RNGTT: variants seen among roughly 807,000 people sequenced by gnomAD.
The protein encoded by RNGTT is mRNA-capping enzyme.
Under a neutral mutation model 79.3 loss-of-function variants are expected in RNGTT, and 33 were observed. That is an observed-to-expected ratio of 0.42 (90% CI 0.32 to 0.56). RNGTT has a LOEUF of 0.56. RNGTT is among the 20% of genes least tolerant of loss of function. The pLI is 0.17. For synonymous variants in RNGTT, 222 were observed against 235.9 expected (o/e 0.94, Z 0.54); for missense variants, 497 against 739.1 (o/e 0.67, Z 3.80).
intron 11 of RNGTT, among the ~76,000 whole-genome samples, chr6:88,832,726 T>C (rs1228048497): frequency 6.6e-6 from 1 of 151,300 alleles, no homozygotes; most frequent in African/African-American, 2.4e-5. Context: ...GTAACTTAAA[T>C]TTACAAGAAA....
At chr6:88,733,162 ATCAGCC>A (rs1414801476) in intron 13 of RNGTT, among the ~76,000 whole-genome samples, 2 of 152,086 alleles carry the variant, frequency 1.3e-5, no homozygotes, top group Non-Finnish European at 2.9e-5. Context: ...GGAGTTTGAG[ATCAGCC>A]TGGGCAACAT....
intron 13 of RNGTT, among the ~76,000 whole-genome samples, chr6:88,699,079 C>G (rs921852673): frequency 6.6e-6 from 1 of 152,056 alleles, no homozygotes; most frequent in Non-Finnish European, 1.5e-5. Flanking sequence ...AGATTATTCC[C>G]AAAAAGTGAG....
chr6:88,619,850 A>C (rs1350471220), intron 14 of RNGTT, among the ~76,000 whole-genome samples: 1 of 152,234 alleles, frequency 6.6e-6, no homozygotes, highest in Non-Finnish European at 1.5e-5. Flanking sequence ...GAGAAAATAA[A>C]ACATATACAT....
chr6:88,920,826 C>T (rs923068422), intron 4 of RNGTT, among the ~76,000 whole-genome samples: 2 of 152,118 alleles, frequency 1.3e-5, no homozygotes, highest in African/African-American at 4.8e-5. Flanking sequence ...ATAAGAAAAA[C>T]TTCTAATTGT....
rs976201727 is a variant in RNGTT, at chr6:88,657,588, G to C, written c.1506+20765C>G. Among the ~76,000 whole-genome samples the C allele has an allele frequency of 4.6e-5, 7 of 152,348 alleles. No homozygotes were observed. In the East Asian group the frequency reaches 1.4e-3, roughly 29 times the overall value. On this transcript the variant is annotated intron_variant, in intron 14 of 15. Transcript: ENST00000369485. ...AGATATGAGCACAGAAACTGCAGCT[G>C]ATGGTGCAGGCAGGTGGGAAGGGGT...
intron 12 of RNGTT, among the ~76,000 whole-genome samples, chr6:88,793,082 C>T (rs952107740): frequency 5.9e-5 from 9 of 151,984 alleles, no homozygotes; most frequent in African/African-American, 2.2e-4. Flanking sequence ...AGAAATTAAC[C>T]ATCCAATTAA....
At chr6:88,938,251 T>C (rs761525623) in intron 2 of RNGTT, among the ~76,000 whole-genome samples, 2 of 152,216 alleles carry the variant, frequency 1.3e-5, no homozygotes, top group African/African-American at 2.4e-5. Flanking sequence ...TTATATCCTC[T>C]TGCCAAACTG....
chr6:88,949,678 C>T (rs1785178609), intron 1 of RNGTT, among the ~76,000 whole-genome samples: 1 of 152,148 alleles, frequency 6.6e-6, no homozygotes, highest in African/African-American at 2.4e-5. Context: ...GCAGCAACTC[C>T]CTTCAATTCT....
intron 14 of RNGTT, among the ~76,000 whole-genome samples, chr6:88,673,662 T>C (rs555172628): frequency 6.6e-6 from 1 of 152,228 alleles, no homozygotes. Context: ...GCATAAAGGA[T>C]TGACAAAAGA....
At chr6:88,633,409 C>T (rs1772980040) in intron 14 of RNGTT, among the ~76,000 whole-genome samples, 1 of 152,136 alleles carries the variant, frequency 6.6e-6, no homozygotes, top group African/African-American at 2.4e-5. Context: ...GGCATTGCAT[C>T]CTCCCCTCTG....
intron 14 of RNGTT, 189 bp downstream of exon 14, chr6:88,678,164 T>C: frequency 1.7e-6 from 2 of 1,203,094 alleles, no homozygotes; most frequent in Non-Finnish European, 2.1e-6. Context: ...TGACAAAAAA[T>C]TTTTCTTTTT....
intron 11 of RNGTT, among the ~76,000 whole-genome samples, chr6:88,817,490 T>TTAAA (rs1780350617): frequency 2.2e-5 from 1 of 44,564 alleles, no homozygotes; most frequent in African/African-American, 9.7e-5. Context: ...AAAAAATAAG[T>TTAAA]AAAAAAAAAA....
At chr6:88,806,966 T>C (rs1047856385) in intron 11 of RNGTT, among the ~76,000 whole-genome samples, 1 of 152,142 alleles carries the variant, frequency 6.6e-6, no homozygotes, top group Non-Finnish European at 1.5e-5. Flanking sequence ...TGGAAGCCAT[T>C]ATCCTCGGCA....
At chr6:88,848,413 A>C (rs530026511) in intron 10 of RNGTT, among the ~76,000 whole-genome samples, 18 of 152,192 alleles carry the variant, frequency 1.2e-4, no homozygotes, top group African/African-American at 4.3e-4. Context: ...AAAAAAACAT[A>C]AAATTGTTCA....
At chr6:88,939,237 T>A (rs1035031025) in intron 2 of RNGTT, among the ~76,000 whole-genome samples, 6 of 152,180 alleles carry the variant, frequency 3.9e-5, no homozygotes, top group Non-Finnish European at 8.8e-5. Context: ...ACACCAAAAA[T>A]TTGAATATTT....
chr6:88,789,366 C>G (rs1253692947), intron 12 of RNGTT, among the ~76,000 whole-genome samples: 2 of 152,192 alleles, frequency 1.3e-5, no homozygotes, highest in Non-Finnish European at 2.9e-5. Flanking sequence ...TGGAGACTAT[C>G]CTGGCCAACA....
chr6:88,953,667 G>C (rs1264787090), intron 1 of RNGTT, among the ~76,000 whole-genome samples: 1 of 152,148 alleles, frequency 6.6e-6, no homozygotes, highest in African/African-American at 2.4e-5. Context: ...TAGGCACATA[G>C]TTATCAGGTT....
At chr6:88,739,342 G>GT (rs995261027) in intron 13 of RNGTT, among the ~76,000 whole-genome samples, 7 of 152,132 alleles carry the variant, frequency 4.6e-5, no homozygotes, top group East Asian at 3.9e-4. Flanking sequence ...GCTGGTAAGT[G>GT]TTTTTTTGAG....
intron 8 of RNGTT, among the ~76,000 whole-genome samples, chr6:88,889,654 GA>G (rs1782978946): frequency 6.6e-6 from 1 of 151,976 alleles, no homozygotes. Context: ...CTTGCTAAAT[GA>G]ATACATACAT....
Sources: allele counts gnomAD v4.1 joint callset (sites outside exome capture counted in the v4.1 genomes callset), GRCh38; gene constraint gnomAD v4.1.1; transcripts MANE v1.5; gene names NCBI Gene and HGNC (gene_info 2026-07-23, HGNC 2026-07-21).